Variants in PHLDB2 observed in about 807,000 individuals in gnomAD.
PHLDB2 encodes pleckstrin homology like domain family B member 2.
Under a neutral mutation model 123.6 loss-of-function variants are expected in PHLDB2, and 71 were observed. The ratio of observed to expected loss-of-function variants is 0.57; its 90% CI spans 0.47 to 0.70. PHLDB2 has a LOEUF of 0.70. PHLDB2 is among the 30% of genes least tolerant of loss of function. PHLDB2 has a pLI of 0.00. For synonymous variants in PHLDB2, 547 were observed against 541.6 expected (o/e 1.01, Z -0.14); for missense variants, 1,446 against 1,519.5 (o/e 0.95, Z 0.80).
intron 1 of PHLDB2, among the ~76,000 whole-genome samples, chr3:111,780,626 C>T (rs534311280): frequency 1.3e-5 from 2 of 152,044 alleles, no homozygotes; most frequent in South Asian, 4.1e-4. Flanking sequence ...ACTAAGACAG[C>T]ATCTCAGAAC....
At chr3:111,895,856 AAATCTATCTATCTATCC>A (rs1333863541) in intron 2 of PHLDB2, among the ~76,000 whole-genome samples, 4 of 82,010 alleles carry the variant, frequency 4.9e-5, no homozygotes, top group Admixed American at 1.3e-4. Flanking sequence ...CAAAAAAAAA[AAATCTATCTATCTATCC>A]ATCTATCTAT....
At chr3:111,832,371 T>A (rs1157583858) in intron 1 of PHLDB2, among the ~76,000 whole-genome samples, 1 of 144,012 alleles carries the variant, frequency 6.9e-6, no homozygotes, top group African/African-American at 2.9e-5. Context: ...ATGTTCTTAT[T>A]TTTTAAAAAA....
Position 111,962,160 on chromosome 3 carries a change from T to C in PHLDB2, c.2925T>C (p.Tyr975=). The change falls in exon 13 of 18, where the codon TAT becomes TAC. Residue 975 remains tyrosine (Y), a synonymous_variant. Transcript: ENST00000431670. ...GACACAGGCAGAAATCTGAATTTTATAACCGCACAGCATCTGAATCAAATG... is the reference window on the plus strand; with the variant it reads ...GACACAGGCAGAAATCTGAATTTTACAACCGCACAGCATCTGAATCAAATG... The part of the protein sequence containing the change: ...SEGHRQKSEF[Y]NRTASESNVY... The C allele has an allele frequency of 6.3e-7, 1 of 1,585,682 alleles. No individual in the cohort carries two copies.
intron 1 of PHLDB2, among the ~76,000 whole-genome samples, chr3:111,803,858 C>A (rs1480363315): frequency 2.0e-5 from 3 of 152,058 alleles, no homozygotes; most frequent in Non-Finnish European, 4.4e-5. Context: ...TAGATTTGTT[C>A]CTTTCTATTC....
upstream of PHLDB2, chr3:111,859,069 T>C (rs1051881817): frequency 6.9e-6 from 4 of 577,454 alleles, no homozygotes; most frequent in Admixed American, 6.3e-5. Flanking sequence ...GCTCAGGCCG[T>C]TCTCCAAGGA....
chr3:111,936,343 A>G (rs2069490034), intron 6 of PHLDB2, among the ~76,000 whole-genome samples: 1 of 152,192 alleles, frequency 6.6e-6, no homozygotes, highest in African/African-American at 2.4e-5. Flanking sequence ...TTAGTCATAC[A>G]TACTTCACTT....
At chr3:111,815,587 A>G (rs2062039171) in intron 1 of PHLDB2, among the ~76,000 whole-genome samples, 1 of 152,152 alleles carries the variant, frequency 6.6e-6, no homozygotes. Flanking sequence ...GAGAGAGATT[A>G]TTTAGGGTAT....
intron 1 of PHLDB2, among the ~76,000 whole-genome samples, chr3:111,802,863 T>C (rs1225657192): frequency 6.6e-6 from 1 of 152,116 alleles, no homozygotes; most frequent in Non-Finnish European, 1.5e-5. Context: ...TTTTGTCCTG[T>C]CAGGAAAAGT....
intron 1 of PHLDB2, among the ~76,000 whole-genome samples, chr3:111,863,787 T>A (rs2064944243): frequency 6.6e-6 from 1 of 152,218 alleles, no homozygotes; most frequent in African/African-American, 2.4e-5. Flanking sequence ...AAAAGCATGG[T>A]ATTTGTGAAT....
intron 1 of PHLDB2, among the ~76,000 whole-genome samples, chr3:111,753,093 G>A (rs972208353): frequency 2.6e-5 from 4 of 152,056 alleles, no homozygotes; most frequent in Admixed American, 2.6e-4. Context: ...ATTGTGAATA[G>A]TGCCGCAATA....
intron 6 of PHLDB2, among the ~76,000 whole-genome samples, chr3:111,936,388 A>G (rs1423145419): frequency 6.6e-6 from 1 of 152,224 alleles, no homozygotes; most frequent in Non-Finnish European, 1.5e-5. Flanking sequence ...GTGCTCAATT[A>G]AACTATTCCT....
chr3:111,859,422 G>C lies in PHLDB2; in HGVS notation c.-169G>C. ...TCGAACTCCCTGGGTGCCCGCCGCG[G>C]TGGTTACAAAGGGGGTCAAGAGTGC... On this transcript the variant is annotated 5_prime_UTR_variant, in exon 1 of 18. Coordinates refer to ENST00000431670, the MANE Select transcript of PHLDB2 (RefSeq NM_001134438.2). 1 of 985,644 alleles carries C rather than the reference G, an allele frequency of 1.0e-6. No homozygotes were observed. The highest frequency in any genetic ancestry group is 1.2e-6 in the Non-Finnish European group (1 of 830,088). The allele number at this position is 985,644 out of a possible 1,614,324, so 61.1% of individuals were successfully genotyped here.
At chr3:111,749,139 A>G (rs1042821163) in intron 1 of PHLDB2, among the ~76,000 whole-genome samples, 1 of 152,006 alleles carries the variant, frequency 6.6e-6, no homozygotes, top group African/African-American at 2.4e-5. Flanking sequence ...ATAAAAAATA[A>G]AACAGAGAAC....
intron 1 of PHLDB2, chr3:111,779,736 A>G (rs1190085076): frequency 1.2e-5 from 6 of 518,306 alleles, no homozygotes; most frequent in Non-Finnish European, 1.5e-5. Flanking sequence ...TGGCGTTAAG[A>G]TGAACATACA....
At chr3:111,888,365 T>TA (rs1463874468) in intron 2 of PHLDB2, among the ~76,000 whole-genome samples, 2 of 134,888 alleles carry the variant, frequency 1.5e-5, no homozygotes, top group South Asian at 2.4e-4. Flanking sequence ...GGAAATTATA[T>TA]TTTTTTTCTG....
chr3:111,961,905 G>C (rs551949324), intron 12 of PHLDB2: 1 of 528,452 alleles, frequency 1.9e-6, no homozygotes, highest in East Asian at 3.6e-5. Flanking sequence ...AGGGGTAAGA[G>C]ACTCAGCAGA....
chr3:111,892,018 G>C (rs1024178839), intron 2 of PHLDB2, among the ~76,000 whole-genome samples: 1 of 152,202 alleles, frequency 6.6e-6, no homozygotes, highest in African/African-American at 2.4e-5. Flanking sequence ...ACTGGTGATA[G>C]TCGTCTGTAG....
At position 111,952,604 on chromosome 3, in the gene PHLDB2, G is replaced by A. The variant is rs2070782727; in HGVS notation, c.2664G>A (p.Gln888=). The change falls in exon 11 of 18, where the codon CAG becomes CAA. Residue 888 remains glutamine, a synonymous_variant. Coordinates refer to ENST00000431670, the MANE Select transcript of PHLDB2 (RefSeq NM_001134438.2). ...GAAGTCTGGAAGAAAGGAAAAAACAGCATAAAGAAGGCCTCTATCTGAGTG... is the reference window on the plus strand; with the variant it reads ...GAAGTCTGGAAGAAAGGAAAAAACAACATAAAGAAGGCCTCTATCTGAGTG... ...HFRSLEERKK[Q]HKEGLYLSDT... 5.0e-6 allele frequency: 8 copies of A among 1,613,240 alleles called. No individual in the cohort carries two copies. Among genetic ancestry groups the A allele is most frequent in the Middle Eastern group, 1.6e-4 (1 of 6,072 alleles).
intron 1 of PHLDB2, among the ~76,000 whole-genome samples, chr3:111,834,299 AAT>A (rs1333768244): frequency 7.3e-6 from 1 of 136,670 alleles, no homozygotes. Flanking sequence ...TTATATACAT[AAT>A]ATATATAATT....
Sources: allele counts gnomAD v4.1 joint callset (sites outside exome capture counted in the v4.1 genomes callset), GRCh38; gene constraint gnomAD v4.1.1; transcripts MANE v1.5; gene names NCBI Gene and HGNC (gene_info 2026-07-23, HGNC 2026-07-21).